Variants in CCDC102B observed in about 807,000 individuals in gnomAD.
The protein encoded by CCDC102B is coiled-coil domain containing 102B, also known as coiled-coil domain-containing protein 102B.
In CCDC102B, 75 loss-of-function variants were observed where a neutral mutation model predicts 57.4. The observed-to-expected ratio is 1.31, with a 90% CI of 1.08 to 1.58. The LOEUF is 1.58. CCDC102B is among the 40% of genes most tolerant of loss of function. CCDC102B has a pLI of 0.00. For missense variants in CCDC102B, 636 were observed against 582.6 expected (o/e 1.09, Z -0.94); for synonymous variants, 206 against 201.9 (o/e 1.02, Z -0.17).
chr18:68,735,766 T>C (rs2033097591), intron 2 of CCDC102B, among the ~76,000 whole-genome samples: 1 of 152,180 alleles, frequency 6.6e-6, no homozygotes, highest in African/African-American at 2.4e-5. Context: ...TGATAAGTGA[T>C]ATGTGAGATC....
intron 6 of CCDC102B, among the ~76,000 whole-genome samples, chr18:68,981,648 G>A (rs1159286173): frequency 6.6e-6 from 1 of 151,848 alleles, no homozygotes; most frequent in Non-Finnish European, 1.5e-5. Context: ...CATGAAACTT[G>A]GTGTTTCATT....
chr18:68,743,656 G>A (rs553343656), intron 2 of CCDC102B, among the ~76,000 whole-genome samples: 85 of 152,284 alleles, frequency 5.6e-4, no homozygotes, highest in Non-Finnish European at 8.8e-4. Context: ...GCTCTATGGA[G>A]TCTTGTCCTT....
chr18:68,764,678 TA>T (rs2034365875), intron 2 of CCDC102B, among the ~76,000 whole-genome samples: 1 of 152,142 alleles, frequency 6.6e-6, no homozygotes, highest in African/African-American at 2.4e-5. Flanking sequence ...AAGAAAATGT[TA>T]GCATTAAATT....
upstream of CCDC102B, among the ~76,000 whole-genome samples, chr18:68,793,204 C>CA (rs1232133232): frequency 2.6e-5 from 4 of 152,098 alleles, no homozygotes; most frequent in East Asian, 1.9e-4. Context: ...GGCTTCCTTA[C>CA]AAAAAATTTT....
chr18:69,014,976 A>AGTGTGTGTGTGTGT lies in CCDC102B; in HGVS notation c.1434+3873_1434+3874insTGTGTGTGTGTGTG, dbSNP rs758831401. Among the ~76,000 whole-genome samples the AGTGTGTGTGTGTGT allele has an allele frequency of 6.9e-5, 8 of 115,692 alleles. No individual in the cohort carries two copies. The East Asian group carries it at 2.1e-3, about 31-fold the overall frequency. The allele number at this position is 115,692 out of a possible 152,430, so 75.9% of individuals were successfully genotyped here. On this transcript the variant is annotated intron_variant, in intron 7 of 7. Transcript: ENST00000360242. ...ATGTGAATGAGAGAGAGAGAGAGAG[A>AGTGTGTGTGTGTGT]GAGTGTGTGTGTGTGTGTGTGTGTG...
At chr18:68,932,084 A>T (rs972480498) in intron 6 of CCDC102B, among the ~76,000 whole-genome samples, 1 of 151,636 alleles carries the variant, frequency 6.6e-6, no homozygotes, top group African/African-American at 2.4e-5. Context: ...TTCTAACATG[A>T]CTTGTATATC....
At chr18:68,785,187 A>G (rs2035157073) in intron 2 of CCDC102B, among the ~76,000 whole-genome samples, 1 of 151,798 alleles carries the variant, frequency 6.6e-6, no homozygotes, top group South Asian at 2.1e-4. Context: ...ATAGTATTCC[A>G]TGGTGTATAT....
intron 2 of CCDC102B, among the ~76,000 whole-genome samples, chr18:68,722,869 T>C (rs1487543860): frequency 6.6e-6 from 1 of 151,496 alleles, no homozygotes; most frequent in African/African-American, 2.4e-5. Context: ...TTCCAAAATA[T>C]CTGCTTTTAT....
Position 69,010,971 on chromosome 18 carries a change from ACAGACAATAC to A in CCDC102B, c.1305_1314del (p.Tyr437IlefsTer5). On this transcript the variant is annotated frameshift_variant, in exon 7 of 8. Transcript: ENST00000360242. LOFTEE classifies it high-confidence loss of function. ...CTTCAACATGCCTACTATAAACTAA[ACAGACAATAC>A]CAGGCAAATATTGCAGAACTGACTC... is the stretch of plus-strand genomic sequence containing the variant. 1 of 1,612,058 alleles carries A rather than the reference ACAGACAATAC, an allele frequency of 6.2e-7. No individual in the cohort carries two copies.
At chr18:68,940,357 G>A (rs1053066151) in intron 6 of CCDC102B, among the ~76,000 whole-genome samples, 42 of 151,840 alleles carry the variant, frequency 2.8e-4, no homozygotes, top group Middle Eastern at 3.4e-3. Context: ...GCAGAAACAT[G>A]CTTATTTTCT....
intron 4 of CCDC102B, among the ~76,000 whole-genome samples, chr18:68,853,337 C>A (rs1281288364): frequency 3.0e-5 from 3 of 100,340 alleles, no homozygotes; most frequent in South Asian, 4.9e-4. Context: ...AAGAAATAGA[C>A]CTTTGTGTTA....
chr18:68,856,811 T>C (rs2038406496), intron 4 of CCDC102B, among the ~76,000 whole-genome samples: 1 of 151,568 alleles, frequency 6.6e-6, no homozygotes, highest in Admixed American at 6.6e-5. Flanking sequence ...TTATTTATTT[T>C]ATAGCTATGA....
At chr18:68,722,186 A>G (rs1241177793) in intron 2 of CCDC102B, among the ~76,000 whole-genome samples, 2 of 152,174 alleles carry the variant, frequency 1.3e-5, no homozygotes, top group Non-Finnish European at 2.9e-5. Flanking sequence ...CTCATCCCGC[A>G]TCCTTTTTTG....
Position 68,780,535 on chromosome 18 carries a change from A to G in CCDC102B, c.-66-42831A>G, listed in dbSNP as rs611922. ...CACTAATGTGAATTTCATGATTTTC[A>G]TGTCATGAAATATATTTTTAATTTG... On this transcript the variant is annotated intron_variant, in intron 2 of 3. Transcript: ENST00000578970. 3.9e-3 allele frequency among the ~76,000 whole-genome samples: 581 copies of G among 150,814 alleles called. 2 individuals carry two copies. The highest frequency in any genetic ancestry group is 0.013 in the African/African-American group (549 of 41,072).
At chr18:68,717,070 C>T (rs112268532) in intron 2 of CCDC102B, among the ~76,000 whole-genome samples, 15,195 of 147,620 alleles carry the variant, frequency 0.1, 794 homozygotes, top group East Asian at 0.11. Flanking sequence ...GAGCAAGACT[C>T]TGTTTCAAAA....
At chr18:68,811,244 T>G (rs1227183278) in intron 1 of CCDC102B, among the ~76,000 whole-genome samples, 1 of 152,184 alleles carries the variant, frequency 6.6e-6, no homozygotes, top group African/African-American at 2.4e-5. Flanking sequence ...AAATGGTATT[T>G]CTGGTTCTAC....
At chr18:68,811,268 A>G (rs1229645743) in intron 1 of CCDC102B, among the ~76,000 whole-genome samples, 2 of 152,172 alleles carry the variant, frequency 1.3e-5, no homozygotes, top group Non-Finnish European at 2.9e-5. Context: ...CTTTAGGTAT[A>G]AAACAATATA....
chr18:69,035,023 A>G (rs1158554485), intron 7 of CCDC102B, among the ~76,000 whole-genome samples: 1 of 151,952 alleles, frequency 6.6e-6, no homozygotes, highest in African/African-American at 2.4e-5. Flanking sequence ...CAATTATACT[A>G]ATTTATTTAT....
At chr18:68,860,838 C>T (rs1233085618) in intron 4 of CCDC102B, among the ~76,000 whole-genome samples, 2 of 142,870 alleles carry the variant, frequency 1.4e-5, no homozygotes, top group Non-Finnish European at 3.1e-5. Flanking sequence ...CCTTTCCCAC[C>T]TCAAAATAGA....
Sources: allele counts gnomAD v4.1 joint callset (sites outside exome capture counted in the v4.1 genomes callset), GRCh38; gene constraint gnomAD v4.1.1; transcripts MANE v1.5; gene names NCBI Gene and HGNC (gene_info 2026-07-23, HGNC 2026-07-21).